Variants in MPRIP observed in about 807,000 individuals in gnomAD.
MPRIP encodes myosin phosphatase Rho interacting protein, also known as myosin phosphatase Rho-interacting protein.
Under a neutral mutation model 234.9 loss-of-function variants are expected in MPRIP, and 59 were observed. The observed-to-expected ratio is 0.25, with a 90% confidence interval of 0.20 to 0.31. The LOEUF is 0.31. Ranked by LOEUF, MPRIP falls within the 10% of genes least tolerant of loss-of-function variation. MPRIP has a pLI of 1.00. For synonymous variants in MPRIP, 1,144 were observed against 1,263.9 expected, an observed-to-expected ratio of 0.91 and a Z score of 2.01; for missense variants, 2,436 against 3,071.0, an observed-to-expected ratio of 0.79 and a Z score of 4.89.
intron 11 of MPRIP, among the ~76,000 whole-genome samples, chr17:17,149,161 A>G (rs2045541924): frequency 1.3e-5 from 2 of 152,206 alleles, no homozygotes. Context: ...ACTGCTTGTC[A>G]AAGAACAGCC....
Position 17,161,373 on chromosome 17 carries a change from G to C in MPRIP, c.2517+17G>C. 3 of 1,531,964 alleles carry C rather than the reference G, an allele frequency of 2.0e-6. No individual in the cohort carries two copies. Among genetic ancestry groups the C allele is most frequent in the Non-Finnish European group, 2.7e-6 (3 of 1,122,200 alleles). The allele number at this position is 1,531,964 out of a possible 1,614,324, so 94.9% of individuals were successfully genotyped here. A position where few individuals can be genotyped will look rare whatever the true frequency, so the allele number is the denominator to read the frequency against. ...GTGCTGCAGGTAGGGTGGAGGGGCT[G>C]CTGTGGCCCATGGTGCGCTCAGGAG... is the stretch of plus-strand genomic sequence containing the variant. On this transcript the variant is annotated intron_variant, in intron 15 of 23. Coordinates refer to ENST00000651222, the MANE Select transcript of MPRIP (RefSeq NM_001364716.4).
rs796078729 is a variant in MPRIP at position 17,189,778 on chromosome 17, T to G, written c.*4884T>G. The G allele has an allele frequency of 3.3e-5, 5 of 152,346 alleles. No homozygotes were observed. Among genetic ancestry groups the G allele is most frequent in the African/African-American group, 1.2e-4 (5 of 41,574 alleles). 9.4% of individuals were successfully genotyped at this position (152,346 alleles called of 1,614,324 possible). A position where few individuals can be genotyped will look rare whatever the true frequency, so the allele number is the denominator to read the frequency against. Reference sequence around the variant, plus strand: ...TTGTAACTTGCCCTAAGGTCCCTGTTGGAGCACTAAGAGGTGACACAGGCC... The same window carrying G: ...TTGTAACTTGCCCTAAGGTCCCTGTGGGAGCACTAAGAGGTGACACAGGCC... On this transcript the variant is annotated 3_prime_UTR_variant, in exon 24 of 24. Coordinates refer to ENST00000651222, the MANE Select transcript of MPRIP (RefSeq NM_001364716.4).
At chr17:17,069,871 G>A (rs2089152335) in intron 1 of MPRIP, among the ~76,000 whole-genome samples, 1 of 151,926 alleles carries the variant, frequency 6.6e-6, no homozygotes, top group East Asian at 1.9e-4. Flanking sequence ...AGATGTTCCA[G>A]GATTCCTTCT....
At chr17:17,093,192 A>G (rs1456099068) in intron 3 of MPRIP, among the ~76,000 whole-genome samples, 5 of 152,100 alleles carry the variant, frequency 3.3e-5, no homozygotes, top group Non-Finnish European at 7.4e-5. Context: ...GAAACATCCT[A>G]TTTCCCCCAA....
At position 17,185,091 on chromosome 17, in the gene MPRIP, G is replaced by T; in HGVS notation, c.*197G>T. The T allele has an allele frequency of 2.2e-6, 1 of 462,116 alleles. No homozygotes were observed. The highest frequency in any genetic ancestry group is 3.3e-5 in the Admixed American group (1 of 29,876). The allele number at this position is 462,116 out of a possible 1,614,324, so 28.6% of individuals were successfully genotyped here. ...CTCTCTGCTGTGTTGACTTCCTGTT[G>T]TCTTCATCAAAGCTTTTTTCCGTGG... On this transcript the variant is annotated 3_prime_UTR_variant, in exon 24 of 24. Transcript: ENST00000651222.
At chr17:17,118,753 G>A (rs1400431421) in intron 3 of MPRIP, among the ~76,000 whole-genome samples, 4 of 152,148 alleles carry the variant, frequency 2.6e-5, no homozygotes, top group African/African-American at 9.7e-5. Context: ...CTTACTCTGG[G>A]CCTGCATGGG....
At chr17:17,130,849 G>T (rs553733830) in intron 4 of MPRIP, among the ~76,000 whole-genome samples, 1 of 152,274 alleles carries the variant, frequency 6.6e-6, no homozygotes, top group Non-Finnish European at 1.5e-5. Context: ...TTTGTCTGTT[G>T]TAAAATTCTA....
In MPRIP at chr17:17,148,434, T is replaced by C. The variant is rs772932001; in HGVS notation, c.1629+1047T>C. Among the ~76,000 whole-genome samples, 46 of 152,206 alleles carry C rather than the reference T, an allele frequency of 3.0e-4. 1 individual carries two copies. The highest frequency in any genetic ancestry group is 5.6e-4 in the Non-Finnish European group (38 of 68,034). ...CAATGGGAGGTAAAGCCACTAGCAC[T>C]TGGCACAGCCCCATCTGTAGCAACA... On this transcript the variant is annotated intron_variant, in intron 11 of 23. Coordinates refer to ENST00000651222, the MANE Select transcript of MPRIP (RefSeq NM_001364716.4).
chr17:17,163,939 A>G (rs1423031707), intron 15 of MPRIP, among the ~76,000 whole-genome samples, 170 bp from the exon 16 acceptor site: 2 of 151,942 alleles, frequency 1.3e-5, no homozygotes, highest in African/African-American at 2.4e-5. Context: ...AAAAAAAAAA[A>G]AAAAGAAAAT....
intron 1 of MPRIP, 79 bp downstream of exon 1, chr17:17,043,050 G>A: frequency 4.2e-6 from 6 of 1,414,086 alleles, no homozygotes; most frequent in Non-Finnish European, 5.9e-6. Flanking sequence ...AAGGGCTGCA[G>A]GGAAAATAAA....
chr17:17,053,214 A>G (rs1237954965), intron 1 of MPRIP, among the ~76,000 whole-genome samples: 1 of 152,074 alleles, frequency 6.6e-6, no homozygotes, highest in Non-Finnish European at 1.5e-5. Flanking sequence ...AGGCAAGGGA[A>G]TTGGAATGGT....
intron 3 of MPRIP, among the ~76,000 whole-genome samples, chr17:17,107,106 G>A (rs2090077663): frequency 6.6e-6 from 1 of 152,234 alleles, no homozygotes; most frequent in Non-Finnish European, 1.5e-5. Context: ...CTTAGCTTCT[G>A]CTCCTGTCCT....
intron 1 of MPRIP, among the ~76,000 whole-genome samples, chr17:17,067,550 C>G (rs962811374): frequency 7.9e-5 from 12 of 152,294 alleles, no homozygotes; most frequent in African/African-American, 2.9e-4. Flanking sequence ...TAAATTATTT[C>G]AGGAATTTTC....
intron 2 of MPRIP, chr17:17,077,447 C>G (rs2089359079): frequency 6.5e-6 from 1 of 154,778 alleles, no homozygotes; most frequent in East Asian, 1.9e-4. Flanking sequence ...TTCCACTGGT[C>G]TTGCTGCTCC....
chr17:17,159,060 C>G, intron 14 of MPRIP, 58 bp downstream of exon 14: 1 of 1,516,152 alleles, frequency 6.6e-7, no homozygotes, highest in Non-Finnish European at 8.9e-7. Flanking sequence ...AGAGCATCAG[C>G]TGTGCCCAGC....
chr17:17,131,768 C>T (rs1272619656), intron 5 of MPRIP, 67 bp downstream of exon 5: 2 of 1,433,850 alleles, frequency 1.4e-6, no homozygotes, highest in Non-Finnish European at 2.0e-6. Context: ...AGTGAGGGCT[C>T]CCTGAGGTTA....
rs533833389 is a variant in MPRIP at position 17,088,031 on chromosome 17, G to T, written c.267+9955G>T. On this transcript the variant is annotated intron_variant, in intron 3 of 23. Transcript: ENST00000651222. The stretch of plus-strand genomic sequence containing the variant: ...CCCACATTCTCTCTCTGCCTTCCCT[G>T]TGTTGCCTGAGTGGAGTGACTGCTG... 1.6e-4 allele frequency among the ~76,000 whole-genome samples: 25 copies of T among 152,334 alleles called. No individual in the cohort carries two copies. The South Asian group carries it at 5.2e-3, about 32-fold the overall frequency.
At chr17:17,173,756 T>C (rs2046194697) in intron 18 of MPRIP, 160 bp from the exon 19 acceptor site, 1 of 822,298 alleles carries the variant, frequency 1.2e-6, no homozygotes, top group Non-Finnish European at 2.1e-6. Context: ...AGGCCATCTC[T>C]GTAAGGGATC....
intron 3 of MPRIP, among the ~76,000 whole-genome samples, chr17:17,109,634 G>A (rs1019872852): frequency 1.3e-5 from 2 of 152,174 alleles, no homozygotes; most frequent in Admixed American, 6.5e-5. Flanking sequence ...TTCCATTAGC[G>A]GAGAGGGCCT....
Sources: allele counts gnomAD v4.1 joint callset (sites outside exome capture counted in the v4.1 genomes callset), GRCh38; gene constraint gnomAD v4.1.1; transcripts MANE v1.5; gene names NCBI Gene and HGNC (gene_info 2026-07-23, HGNC 2026-07-21).